The following TENM3 variants were observed in gnomAD, a reference collection of about 807,000 sequenced individuals.
TENM3 encodes the protein teneurin transmembrane protein 3.
A neutral mutation model predicts 255.1 loss-of-function variants in TENM3; 63 were observed. The observed-to-expected ratio is 0.25, with a 90% CI of 0.20 to 0.30. The LOEUF is 0.30. Ranked by LOEUF, TENM3 falls within the 10% of genes least tolerant of loss-of-function variation. TENM3 has a pLI of 1.00. For missense variants in TENM3, 2,929 were observed against 3,461.1 expected (o/e 0.85, Z 3.86); for synonymous variants, 1,306 against 1,322.3 (o/e 0.99, Z 0.27).
chr4:182,078,770 G>C, the TENM3 span, among the ~76,000 whole-genome samples: 1 of 152,130 alleles, frequency 6.6e-6, no homozygotes, highest in South Asian at 2.1e-4. Context: ...AGAGAGAGGG[G>C]AATAATATTT....
At chr4:181,484,369 G>A in the TENM3 span, among the ~76,000 whole-genome samples, 1 of 152,118 alleles carries the variant, frequency 6.6e-6, no homozygotes, top group Admixed American at 6.6e-5. Flanking sequence ...TATGTGATGT[G>A]TGACTCTTCC....
chr4:182,760,332 C>G (rs377130805), intron 22 of TENM3, among the ~76,000 whole-genome samples: 1 of 152,138 alleles, frequency 6.6e-6, no homozygotes, highest in African/African-American at 2.4e-5. Context: ...TTCTTACACT[C>G]GAATGCACAA....
chr4:181,877,036 G>C, the TENM3 span: 3 of 152,044 alleles, frequency 2.0e-5, no homozygotes, highest in Non-Finnish European at 4.4e-5. Flanking sequence ...ATATCAGTAA[G>C]CACTTACCTA....
the TENM3 span, among the ~76,000 whole-genome samples, chr4:181,872,262 ATC>A: frequency 6.6e-6 from 1 of 151,298 alleles, no homozygotes; most frequent in Non-Finnish European, 1.5e-5. Context: ...ATATTTATAT[ATC>A]TATAAAGTTA....
Position 182,754,859 on chromosome 4 carries a change from G to T in TENM3, c.4492G>T (p.Val1498Leu). The T allele has an allele frequency of 3.7e-6, 6 of 1,614,032 alleles. No homozygotes were observed. Among genetic ancestry groups the T allele is most frequent in the Non-Finnish European group, 4.2e-6 (5 of 1,179,896 alleles). The change falls in exon 22 of 28, where the codon GTG becomes TTG. Residue 1498 changes from valine to leucine, a missense_variant. By Grantham distance (32) the Val-to-Leu change is conservative (BLOSUM62 1). Transcript: ENST00000511685. This position sits in a 1 kb window ranked among gnomAD's most constrained non-coding sequence, Gnocchi z 5.1. ...ADLGNIRIRA[V>L]SKNKPLLNSM... ...TCTAGGGAATATCCGGATCCGGGCT[G>T]TGTCAAAGAATAAGCCTTTACTTAA... is the stretch of plus-strand genomic sequence containing the variant.
intron 1 of TENM3, among the ~76,000 whole-genome samples, chr4:182,322,903 G>C (rs1172466831): frequency 1.3e-5 from 2 of 152,126 alleles, no homozygotes; most frequent in African/African-American, 4.8e-5. Context: ...AGTTGACTAT[G>C]GAATCACTCA....
chr4:182,604,577 T>A (rs1222907949), intron 4 of TENM3, among the ~76,000 whole-genome samples: 1 of 152,168 alleles, frequency 6.6e-6, no homozygotes, highest in East Asian at 1.9e-4. Flanking sequence ...CAGCAGCACT[T>A]AAAGGTATGG....
intron 3 of TENM3, among the ~76,000 whole-genome samples, chr4:182,493,931 G>A (rs1735527839): frequency 6.6e-6 from 1 of 152,034 alleles, no homozygotes; most frequent in African/African-American, 2.4e-5. Context: ...CAGTGTATTT[G>A]CTAAATAGAA....
At chr4:182,774,503 A>G (rs998767584) in intron 23 of TENM3, among the ~76,000 whole-genome samples, 1 of 152,192 alleles carries the variant, frequency 6.6e-6, no homozygotes, top group Non-Finnish European at 1.5e-5. Flanking sequence ...CTTTCAAAGG[A>G]TCTTTGACAG....
At chr4:181,950,171 T>C in the TENM3 span, among the ~76,000 whole-genome samples, 3 of 152,124 alleles carry the variant, frequency 2.0e-5, no homozygotes, top group Non-Finnish European at 2.9e-5. Context: ...GAAAGCCCTT[T>C]TCCTGGCTCA....
At chr4:182,486,431 C>A (rs1176167290) in intron 3 of TENM3, among the ~76,000 whole-genome samples, 1 of 152,018 alleles carries the variant, frequency 6.6e-6, no homozygotes, top group African/African-American at 2.4e-5. Flanking sequence ...GGCCACATCC[C>A]AGAGACACCT....
intron 1 of TENM3, among the ~76,000 whole-genome samples, chr4:182,314,299 T>C (rs1762625092): frequency 6.7e-6 from 1 of 148,852 alleles, no homozygotes; most frequent in African/African-American, 2.5e-5. Context: ...AGACTCCGTC[T>C]CAAAAAAAAA....
In TENM3 at chr4:182,370,465, T is replaced by C. The variant is rs1766728101; in HGVS notation, c.511+23536T>C. Among the ~76,000 whole-genome samples, 3 of 152,218 alleles carry C rather than the reference T, an allele frequency of 2.0e-5. No homozygotes were observed. In the South Asian group the frequency reaches 6.2e-4, roughly 31 times the overall value. On this transcript the variant is annotated intron_variant, in intron 3 of 27. Coordinates refer to ENST00000511685, the MANE Select transcript of TENM3 (RefSeq NM_001080477.4). ...GCAAGCAGGTCCTATATTTAATAGA[T>C]TAATACAAAAATAACTGACATTACC...
At chr4:181,657,736 C>T in the TENM3 span, among the ~76,000 whole-genome samples, 116 of 152,148 alleles carry the variant, frequency 7.6e-4, no homozygotes, top group Non-Finnish European at 1.5e-3. Flanking sequence ...CCTAGATGCC[C>T]ATCAATGGTG....
chr4:181,989,449 G>T, the TENM3 span, among the ~76,000 whole-genome samples: 70 of 152,008 alleles, frequency 4.6e-4, no homozygotes, highest in Admixed American at 8.5e-4. Flanking sequence ...TTTACAAACT[G>T]CTAAAAAAAA....
At chr4:181,677,032 TTCTCAGATTCA>T in the TENM3 span, among the ~76,000 whole-genome samples, 1 of 151,280 alleles carries the variant, frequency 6.6e-6, no homozygotes, top group African/African-American at 2.4e-5. Flanking sequence ...GCTCAGTCCT[TTCTCAGATTCA>T]TCTCAGATTC....
At chr4:182,608,806 C>T (rs561847875) in intron 4 of TENM3, among the ~76,000 whole-genome samples, 2 of 152,132 alleles carry the variant, frequency 1.3e-5, no homozygotes, top group Non-Finnish European at 2.9e-5. Flanking sequence ...CTGCAGGGGT[C>T]CTAGGAGGCC....
At chr4:182,452,563 TAGG>T (rs1163709072) in intron 3 of TENM3, among the ~76,000 whole-genome samples, 1 of 152,154 alleles carries the variant, frequency 6.6e-6, no homozygotes, top group Non-Finnish European at 1.5e-5. Flanking sequence ...AGGTTCAGAT[TAGG>T]ATCATTAGTG....
At chr4:182,186,814 T>TATATATATA in intron 1 of TENM3, among the ~76,000 whole-genome samples, 2 of 88,240 alleles carry the variant, frequency 2.3e-5, no homozygotes, top group African/African-American at 4.7e-5. Flanking sequence ...TATATATATA[T>TATATATATA]GGTCCTACCC....
Sources: allele counts gnomAD v4.1 joint callset (sites outside exome capture counted in the v4.1 genomes callset), GRCh38; gene constraint gnomAD v4.1.1; non-coding constraint Gnocchi (gnomAD v3.1); transcripts MANE v1.5; gene names NCBI Gene and HGNC (gene_info 2026-07-23, HGNC 2026-07-21).